Variants in IQCJ observed in about 807,000 individuals in gnomAD.
The protein encoded by IQCJ is IQ motif containing J, also known as IQ domain-containing protein J.
In IQCJ, 9 loss-of-function variants were observed where a neutral mutation model predicts 11.0. The observed-to-expected ratio is 0.82, with a 90% CI of 0.49 to 1.43. The LOEUF is 1.43. Ranked by LOEUF, IQCJ falls within the 40% of genes most tolerant of loss-of-function variation. The probability of loss-of-function intolerance (pLI) is 0.00; values close to 1 mark genes in which losing one functional copy is unlikely to be tolerated. For missense variants in IQCJ, 146 were observed against 133.2 expected (o/e 1.10, Z -0.47); for synonymous variants, 55 against 51.3 (o/e 1.07, Z -0.31).
At chr3:159,173,362 A>T (rs968463155) in intron 1 of IQCJ, among the ~76,000 whole-genome samples, 5 of 152,196 alleles carry the variant, frequency 3.3e-5, no homozygotes, top group African/African-American at 1.2e-4. Flanking sequence ...ATATATCTTC[A>T]AAGTGTTTTC....
intron 1 of IQCJ, among the ~76,000 whole-genome samples, chr3:159,187,111 TA>T (rs985178697): frequency 6.6e-6 from 1 of 152,254 alleles, no homozygotes; most frequent in African/African-American, 2.4e-5. Flanking sequence ...ATTCTACAGT[TA>T]AATAAAAGCA....
At chr3:159,079,574 G>A (rs550089776) in intron 1 of IQCJ, among the ~76,000 whole-genome samples, 1 of 152,046 alleles carries the variant, frequency 6.6e-6, no homozygotes, top group East Asian at 1.9e-4. Flanking sequence ...ATCCTTAGAA[G>A]CATTTCATAT....
chr3:159,158,925 G>A (rs1721683307), intron 1 of IQCJ, among the ~76,000 whole-genome samples: 2 of 152,154 alleles, frequency 1.3e-5, no homozygotes, highest in African/African-American at 4.8e-5. Flanking sequence ...TTTCATGAAG[G>A]AAGAGGTTCA....
chr3:159,176,726 C>T (rs114906812), intron 1 of IQCJ, among the ~76,000 whole-genome samples: 146 of 152,184 alleles, frequency 9.6e-4, no homozygotes, highest in Non-Finnish European at 1.7e-3. Flanking sequence ...TAATGAGATA[C>T]TTTATTTCTT....
chr3:159,165,977 G>T (rs1159192177), intron 1 of IQCJ, among the ~76,000 whole-genome samples: 1 of 151,820 alleles, frequency 6.6e-6, no homozygotes, highest in African/African-American at 2.4e-5. Context: ...GTCTTTGGAA[G>T]TCTTTGGCAT....
rs1224589755 is a variant in IQCJ, at chr3:159,263,722, G to C, written c.*991G>C. The C allele has an allele frequency of 1.0e-6, 1 of 984,900 alleles. No homozygotes were observed. The highest frequency in any genetic ancestry group is 1.7e-5 in the African/African-American group (1 of 57,220). 61.0% of individuals were successfully genotyped at this position (984,900 alleles called of 1,614,324 possible). A position where few individuals can be genotyped will look rare whatever the true frequency, so the allele number is the denominator to read the frequency against. ...TACTGTATTTGAAATGTTTTCAGATGGTTGCATTGCATATTCTTCAATAAA... is the reference window on the plus strand; with the variant it reads ...TACTGTATTTGAAATGTTTTCAGATCGTTGCATTGCATATTCTTCAATAAA... On this transcript the variant is annotated 3_prime_UTR_variant, in exon 4 of 4. Transcript: ENST00000397832.
chr3:159,147,301 T>C (rs147639221), intron 1 of IQCJ, among the ~76,000 whole-genome samples: 4 of 152,322 alleles, frequency 2.6e-5, no homozygotes, highest in African/African-American at 9.6e-5. Flanking sequence ...ATAAAGACTA[T>C]CATTTTCAGC....
intron 3 of IQCJ, among the ~76,000 whole-genome samples, chr3:159,259,455 T>C (rs971897437): frequency 1.3e-5 from 2 of 152,154 alleles, no homozygotes; most frequent in African/African-American, 4.8e-5. Context: ...ATTTACTCTG[T>C]AGCCACAAAG....
At chr3:159,183,868 A>G (rs1242048623) in intron 1 of IQCJ, among the ~76,000 whole-genome samples, 1 of 151,794 alleles carries the variant, frequency 6.6e-6, no homozygotes, top group Non-Finnish European at 1.5e-5. Flanking sequence ...TCCTTCCAAA[A>G]TGTTTCTTGA....
At chr3:159,256,735 A>C (rs894640675) in intron 3 of IQCJ, among the ~76,000 whole-genome samples, 1 of 152,238 alleles carries the variant, frequency 6.6e-6, no homozygotes, top group Non-Finnish European at 1.5e-5. Flanking sequence ...TACCTTTTTC[A>C]AACATATTTT....
intron 1 of IQCJ, among the ~76,000 whole-genome samples, chr3:159,084,514 A>C (rs562521841): frequency 6.6e-6 from 1 of 152,268 alleles, no homozygotes; most frequent in South Asian, 2.1e-4. Context: ...ACTGTGAGAC[A>C]TTGTGCATCC....
At chr3:159,244,309 A>C (rs1727113843) in intron 1 of IQCJ, among the ~76,000 whole-genome samples, 1 of 152,198 alleles carries the variant, frequency 6.6e-6, no homozygotes, top group African/African-American at 2.4e-5. Flanking sequence ...GGCAGCTGGC[A>C]TGTTTCCAGA....
chr3:159,140,332 T>C (rs1298873405), intron 1 of IQCJ, among the ~76,000 whole-genome samples: 1 of 152,198 alleles, frequency 6.6e-6, no homozygotes, highest in African/African-American at 2.4e-5. Flanking sequence ...TGACTCTTCC[T>C]TGTGACTTCA....
chr3:159,129,098 G>C (rs147550770), intron 1 of IQCJ, among the ~76,000 whole-genome samples: 3 of 152,160 alleles, frequency 2.0e-5, no homozygotes, highest in African/African-American at 7.2e-5. Flanking sequence ...TAACAACATT[G>C]ATAATTTGGA....
intron 1 of IQCJ, among the ~76,000 whole-genome samples, chr3:159,096,066 G>T (rs1187213621): frequency 1.1e-5 from 1 of 92,370 alleles, no homozygotes; most frequent in Non-Finnish European, 2.1e-5. Flanking sequence ...TCTAACTGGT[G>T]TGAGATGATA....
chr3:159,174,483 T>G (rs1722666258), intron 1 of IQCJ, among the ~76,000 whole-genome samples: 1 of 152,138 alleles, frequency 6.6e-6, no homozygotes, highest in South Asian at 2.1e-4. Flanking sequence ...CAGTAAAATT[T>G]TGTCATAAAT....
intron 1 of IQCJ, among the ~76,000 whole-genome samples, chr3:159,217,655 AC>A (rs1208214317): frequency 6.6e-6 from 1 of 152,030 alleles, no homozygotes; most frequent in Non-Finnish European, 1.5e-5. Context: ...ACATTCTTCT[AC>A]TTTGTTTCCA....
rs1726071949 is a variant in IQCJ at position 159,229,560 on chromosome 3, T to C, written c.10-16283T>C. ...CAGTGTCTAACACTTGATTACGTTT[T>C]TGTTAAACAATGAATGGAACAATGA... On this transcript the variant is annotated intron_variant, in intron 1 of 3. Coordinates refer to ENST00000397832, the MANE Select transcript of IQCJ (RefSeq NM_001042706.3). Among the ~76,000 whole-genome samples the C allele has an allele frequency of 2.6e-5, 4 of 151,886 alleles. No homozygotes were observed. The South Asian group carries it at 8.3e-4, about 32-fold the overall frequency.
intron 1 of IQCJ, among the ~76,000 whole-genome samples, chr3:159,154,490 C>G (rs1179969802): frequency 6.6e-6 from 1 of 152,046 alleles, no homozygotes; most frequent in Non-Finnish European, 1.5e-5. Context: ...ATCAGCTCTG[C>G]CTTTTTTTTG....
Sources: allele counts gnomAD v4.1 joint callset (sites outside exome capture counted in the v4.1 genomes callset), GRCh38; gene constraint gnomAD v4.1.1; transcripts MANE v1.5; gene names NCBI Gene and HGNC (gene_info 2026-07-23, HGNC 2026-07-21).